Variants in S100B observed in about 807,000 individuals in gnomAD.
S100B encodes protein S100-B.
A neutral mutation model predicts 7.7 loss-of-function variants in S100B; 6 were observed. The ratio of observed to expected loss-of-function variants is 0.78; its 90% CI spans 0.43 to 1.54. The LOEUF is 1.54. Among genes scored for constraint, S100B ranks in the 40% most tolerant of loss-of-function variants. The probability of loss-of-function intolerance (pLI) is 0.01; values close to 1 mark genes in which losing one functional copy is unlikely to be tolerated. For synonymous variants in S100B, 36 were observed against 40.4 expected (o/e 0.89, Z 0.41); for missense variants, 99 against 111.8 (o/e 0.89, Z 0.52).
intron 2 of S100B, among the ~76,000 whole-genome samples, chr21:46,601,352 C>A (rs1021944011): frequency 6.6e-6 from 1 of 152,180 alleles, no homozygotes; most frequent in South Asian, 2.1e-4. Flanking sequence ...AAGCCCTTCA[C>A]TACGTTTCAT....
chr21:46,604,079 T>C (rs2061050706), intron 1 of S100B, among the ~76,000 whole-genome samples: 1 of 152,220 alleles, frequency 6.6e-6, no homozygotes, highest in African/African-American at 2.4e-5. Flanking sequence ...TTGTGACTAA[T>C]GGGATTATTA....
chr21:46,603,393 G>GGGGGTGGGGGGTGGGGGGGGCGGGGGT (rs1484017772), intron 1 of S100B, among the ~76,000 whole-genome samples: 1 of 57,532 alleles, frequency 1.7e-5, no homozygotes, highest in African/African-American at 5.6e-5. Context: ...GACGGCGGGA[G>GGGGGTGGGGGGTGGGGGGGGCGGGGGT]GGGGTGGGGG....
At chr21:46,603,384 A>G (rs1338914419) in intron 1 of S100B, among the ~76,000 whole-genome samples, 1 of 316 alleles carries the variant, frequency 3.2e-3, no homozygotes. Context: ...AGTGACTGGG[A>G]CGGCGGGAGG....
At chr21:46,602,932 A>C (rs1024726958) in intron 1 of S100B, 1 of 153,798 alleles carries the variant, frequency 6.5e-6, no homozygotes, top group African/African-American at 2.4e-5. Flanking sequence ...CCTATATTCT[A>C]TCAGTAAAGA....
intron 2 of S100B, among the ~76,000 whole-genome samples, chr21:46,600,929 T>C (rs2061039629): frequency 2.0e-5 from 3 of 152,146 alleles, no homozygotes; most frequent in Admixed American, 2.0e-4. Flanking sequence ...GCAAGATTGG[T>C]GGAACTAGAA....
chr21:46,601,718 G>T (rs2061041777), intron 2 of S100B, among the ~76,000 whole-genome samples: 1 of 152,232 alleles, frequency 6.6e-6, no homozygotes, highest in Non-Finnish European at 1.5e-5. Flanking sequence ...GGCTTCCAAA[G>T]GATGTGTACA....
At chr21:46,603,195 T>A (rs2061046446) in intron 1 of S100B, among the ~76,000 whole-genome samples, 3 of 151,730 alleles carry the variant, frequency 2.0e-5, no homozygotes, top group Admixed American at 6.6e-5. Flanking sequence ...ATTGCCGCAA[T>A]CTTTTTGAAG....
At chr21:46,601,291 C>T (rs1031095467) in intron 2 of S100B, among the ~76,000 whole-genome samples, 1 of 152,322 alleles carries the variant, frequency 6.6e-6, no homozygotes, top group Admixed American at 6.5e-5. Flanking sequence ...TGCGCTGGCT[C>T]ATTGTCTGGT....
intron 2 of S100B, among the ~76,000 whole-genome samples, chr21:46,601,573 C>T (rs1377749022): frequency 6.6e-6 from 1 of 152,182 alleles, no homozygotes; most frequent in Non-Finnish European, 1.5e-5. Context: ...ACTTCCACCA[C>T]AAGCCACAGC....
At chr21:46,601,527 G>A (rs1044032903) in intron 2 of S100B, among the ~76,000 whole-genome samples, 2 of 152,124 alleles carry the variant, frequency 1.3e-5, no homozygotes, top group African/African-American at 4.8e-5. Context: ...GAGACGGTGG[G>A]TAGGAAAATG....
chr21:46,604,844 G>A (rs2061053083), intron 1 of S100B, among the ~76,000 whole-genome samples, 169 bp downstream of exon 1: 2 of 152,226 alleles, frequency 1.3e-5, no homozygotes, highest in Admixed American at 1.3e-4. Context: ...CAAAGCAGCA[G>A]TAATGTGGAG....
Position 46,602,376 on chromosome 21 carries a change from C to T in S100B, c.40G>A (p.Val14Ile), listed in dbSNP as rs753432809. ...TCCCTTCCAGAATATTGGTGGAAAACGTCGATGAGGGCCACCATGGCCTTC... is the reference window on the plus strand; with the variant it reads ...TCCCTTCCAGAATATTGGTGGAAAATGTCGATGAGGGCCACCATGGCCTTC... ...LEKAMVALID[V>I]FHQYSGREGD... is the part of the protein sequence containing the mutation. The change falls in exon 2 of 3, where the codon GTT (valine) becomes ATT (isoleucine). Residue 14 changes from valine to isoleucine, a missense_variant. Physicochemically the swap from Val to Ile is conservative, Grantham distance 29. Coordinates refer to ENST00000291700, the MANE Select transcript of S100B (RefSeq NM_006272.3). The T allele has an allele frequency of 9.3e-6, 15 of 1,614,024 alleles. No homozygotes were observed. Among genetic ancestry groups the T allele is most frequent in the Admixed American group, 3.3e-5 (2 of 60,002 alleles).
intron 1 of S100B, among the ~76,000 whole-genome samples, chr21:46,603,392 A>AGGGGGTGGGGGGAGGGGGGGACGGGGG (rs796474856): frequency 5.2e-5 from 2 of 38,206 alleles, no homozygotes; most frequent in South Asian, 1.5e-3. Context: ...GGACGGCGGG[A>AGGGGGTGGGGGGAGGGGGGGACGGGGG]GGGGGTGGGG....
chr21:46,604,109 A>G (rs543301608), intron 1 of S100B, among the ~76,000 whole-genome samples: 1 of 152,356 alleles, frequency 6.6e-6, no homozygotes, highest in South Asian at 2.1e-4. Context: ...GGCATAAAAC[A>G]TGTATCCCAT....
chr21:46,599,541 AAT>A lies in S100B; in HGVS notation c.139-40_139-39del, dbSNP rs776906913. The A allele has an allele frequency of 2.5e-6, 4 of 1,606,080 alleles. No individual in the cohort carries two copies. The African/African-American group carries it at 5.4e-5, about 21-fold the overall frequency. On this transcript the variant is annotated intron_variant, in intron 2 of 2. Coordinates refer to ENST00000291700, the MANE Select transcript of S100B (RefSeq NM_006272.3). ...AAAGGAGTTGCCGACCTTGTTTTTA[AAT>A]GGAATTTTGGACCATCAAAACATGA...
chr21:46,602,182 A>C, intron 2 of S100B, 96 bp downstream of exon 2: 1 of 1,181,294 alleles, frequency 8.5e-7, no homozygotes, highest in Admixed American at 2.3e-5. Flanking sequence ...AAGGGAAATG[A>C]AATCACCTTC....
chr21:46,600,466 G>A lies in S100B; in HGVS notation c.139-963C>T, dbSNP rs948235839. 13 of 369,636 alleles carry A rather than the reference G, an allele frequency of 3.5e-5. No homozygotes were observed. The Admixed American group carries it at 3.7e-4, about 11-fold the overall frequency. 22.9% of individuals were successfully genotyped at this position (369,636 alleles called of 1,614,324 possible). On this transcript the variant is annotated intron_variant, in intron 2 of 2. Coordinates refer to ENST00000291700, the MANE Select transcript of S100B (RefSeq NM_006272.3). The stretch of plus-strand genomic sequence containing the variant: ...GAGGCTGAGGCGGAGGATCGCTTGA[G>A]CCTGGGAGGTTGAGGCTGCAATGAG...
intron 2 of S100B, among the ~76,000 whole-genome samples, chr21:46,600,844 A>G (rs1301830546): frequency 6.6e-6 from 1 of 152,198 alleles, no homozygotes; most frequent in African/African-American, 2.4e-5. Flanking sequence ...TAAGCACTTA[A>G]GCACTGTCCC....
intron 1 of S100B, among the ~76,000 whole-genome samples, chr21:46,604,665 C>T (rs1234271474): frequency 6.6e-6 from 1 of 152,094 alleles, no homozygotes; most frequent in Non-Finnish European, 1.5e-5. Flanking sequence ...ATTTTTAGCC[C>T]CAGTGGGAAG....
Sources: allele counts gnomAD v4.1 joint callset (sites outside exome capture counted in the v4.1 genomes callset), GRCh38; gene constraint gnomAD v4.1.1; transcripts MANE v1.5; gene names NCBI Gene and HGNC (gene_info 2026-07-23, HGNC 2026-07-21).